The following PPFIA3 variants were observed in gnomAD, a reference collection of about 807,000 sequenced individuals.
PPFIA3 encodes liprin-alpha-3.
Under a neutral mutation model 145.8 loss-of-function variants are expected in PPFIA3, and 26 were observed. That is an observed-to-expected ratio of 0.18 (90% CI 0.13 to 0.25). The LOEUF (loss-of-function observed/expected upper bound fraction) is 0.25. Among genes scored for constraint, PPFIA3 ranks in the 10% least tolerant of loss-of-function variants. The pLI is 1.00. For synonymous variants in PPFIA3, 645 were observed against 661.4 expected (o/e 0.98, Z 0.38); for missense variants, 1,008 against 1,587.8 (o/e 0.63, Z 6.21).
Position 49,149,774 on chromosome 19 carries a change from A to G in PPFIA3, c.3526+56A>G. ...CTCGCTTCCCTAGGGTGGGGCATGG[A>G]CCACCTCAGTAGTCCGGGTTCTGGA... On this transcript the variant is annotated intron_variant, in intron 28 of 29. Coordinates refer to ENST00000334186, the MANE Select transcript of PPFIA3 (RefSeq NM_003660.4). This position sits in a 1 kb window ranked among gnomAD's most constrained non-coding sequence, Gnocchi z 5.7. 2 of 1,544,652 alleles carry G rather than the reference A, an allele frequency of 1.3e-6. No individual in the cohort carries two copies. Among genetic ancestry groups the G allele is most frequent in the Non-Finnish European group, 1.7e-6 (2 of 1,146,286 alleles).
rs528422016 is a variant in PPFIA3, at chr19:49,149,848, G to A, written c.3526+130G>A. On this transcript the variant is annotated intron_variant, in intron 28 of 29. Coordinates refer to ENST00000334186, the MANE Select transcript of PPFIA3 (RefSeq NM_003660.4). The surrounding 1 kb of genome is among the most constrained non-coding windows in gnomAD (Gnocchi z 5.7). Reference sequence around the variant, plus strand: ...CCCCTGAGGAATGGACTGCTCCAACGTTCCGGACTCCCCCGTCAGGATGAA... The same window carrying A: ...CCCCTGAGGAATGGACTGCTCCAACATTCCGGACTCCCCCGTCAGGATGAA... 2 of 1,243,526 alleles carry A rather than the reference G, an allele frequency of 1.6e-6. No individual in the cohort carries two copies. Among genetic ancestry groups the A allele is most frequent in the Middle Eastern group, 2.6e-4 (1 of 3,886 alleles). The allele number at this position is 1,243,526 out of a possible 1,614,324, so 77.0% of individuals were successfully genotyped here.
chr19:49,128,515 GTGT>G lies in PPFIA3; in HGVS notation c.342+50_342+52del, dbSNP rs746976413. 3 of 1,521,048 alleles carry G rather than the reference GTGT, an allele frequency of 2.0e-6. No individual in the cohort carries two copies. In the South Asian group the frequency reaches 3.4e-5, roughly 17 times the overall value. The allele number at this position is 1,521,048 out of a possible 1,614,324, so 94.2% of individuals were successfully genotyped here. A position where few individuals can be genotyped will look rare whatever the true frequency, so the allele number is the denominator to read the frequency against. The stretch of plus-strand genomic sequence containing the variant: ...GCCTAAGTGGGGGCGGGGCCTCGTG[GTGT>G]TGAAGTGGGGGGCGGGGCCTCTCAG... On this transcript the variant is annotated intron_variant, in intron 3 of 29. Coordinates refer to ENST00000334186, the MANE Select transcript of PPFIA3 (RefSeq NM_003660.4). This position sits in a 1 kb window ranked among gnomAD's most constrained non-coding sequence, Gnocchi z 4.1.
chr19:49,136,951 G>A, intron 15 of PPFIA3, 40 bp downstream of exon 15: 23 of 1,452,292 alleles, frequency 1.6e-5, no homozygotes, highest in Non-Finnish European at 2.0e-5. Flanking sequence ...TGCCCTGCCG[G>A]AGCTGACTCC....
chr19:49,126,560 CT>C (rs762895281), intron 1 of PPFIA3, among the ~76,000 whole-genome samples: 27,695 of 118,682 alleles, frequency 0.23, 2,197 homozygotes, highest in Non-Finnish European at 0.32. Context: ...CCTGGCCTTG[CT>C]TTTTTTTTTT....
At chr19:49,121,953 G>C (rs2040941327) in intron 1 of PPFIA3, among the ~76,000 whole-genome samples, 1 of 151,664 alleles carries the variant, frequency 6.6e-6, no homozygotes, top group African/African-American at 2.4e-5. Flanking sequence ...ATTTCTTGTC[G>C]CACATGTGCT....
In PPFIA3 at chr19:49,127,961, C is replaced by G; in HGVS notation, c.88C>G (p.Arg30Gly). ...GPDEAGGELE[R>G]LMVTMLTERE... ...GGACGAGGCGGGCGGGGAGCTGGAG[C>G]GCCTCATGGTCACGATGCTCACGGA... The change falls in exon 2 of 30, where the codon CGC (arginine) becomes GGC (glycine). Residue 30 changes from arginine to glycine, a missense_variant. By Grantham distance (125) the Arg-to-Gly change is moderately radical. This residue lies in a region of PPFIA3 where 108 missense variants were observed against 144.3 expected (regional missense o/e 0.75). Transcript: ENST00000334186. 1 of 1,595,152 alleles carries G rather than the reference C, an allele frequency of 6.3e-7. No individual in the cohort carries two copies. Among genetic ancestry groups the G allele is most frequent in the South Asian group, 1.1e-5 (1 of 90,870 alleles).
Position 49,138,437 on chromosome 19 carries a change from C to T in PPFIA3, c.2076+10C>T, listed in dbSNP as rs746553369. Reference sequence around the variant, plus strand: ...GGGCACCGACAAGGCTGTGAGTGCTCTGAAGTCTCCCCAGCCTAGTAGGGG... The same window carrying T: ...GGGCACCGACAAGGCTGTGAGTGCTTTGAAGTCTCCCCAGCCTAGTAGGGG... On this transcript the variant is annotated intron_variant, in intron 16 of 29. Coordinates refer to ENST00000334186, the MANE Select transcript of PPFIA3 (RefSeq NM_003660.4). 4.2e-5 allele frequency: 64 copies of T among 1,510,988 alleles called. 3 individuals are homozygous for T. The Middle Eastern group carries it at 7.3e-4, about 17-fold the overall frequency. 93.6% of individuals were successfully genotyped at this position (1,510,988 alleles called of 1,614,324 possible).
chr19:49,133,446 G>A lies in PPFIA3; in HGVS notation c.1161+75G>A. 2 of 1,463,022 alleles carry A rather than the reference G, an allele frequency of 1.4e-6. No individual in the cohort carries two copies. The highest frequency in any genetic ancestry group is 1.8e-6 in the Non-Finnish European group (2 of 1,107,516). 90.6% of individuals were successfully genotyped at this position (1,463,022 alleles called of 1,614,324 possible). A position where few individuals can be genotyped will look rare whatever the true frequency, so the allele number is the denominator to read the frequency against. Reference sequence around the variant, plus strand: ...TAGAGGAGGCGGGGCCGTGAATCTGGAGGGGTAGGAGCGAGGTCAGAACCC... The same window carrying A: ...TAGAGGAGGCGGGGCCGTGAATCTGAAGGGGTAGGAGCGAGGTCAGAACCC... On this transcript the variant is annotated intron_variant, in intron 9 of 29. Transcript: ENST00000334186. This position sits in a 1 kb window ranked among gnomAD's most constrained non-coding sequence, Gnocchi z 7.2.
At chr19:49,145,636 C>G (rs1023827178) in intron 21 of PPFIA3, 4 of 421,104 alleles carry the variant, frequency 9.5e-6, no homozygotes, top group African/African-American at 2.0e-5. Flanking sequence ...GTCTGTCCCC[C>G]ACTTCTGAAT....
intron 18 of PPFIA3, among the ~76,000 whole-genome samples, chr19:49,140,512 C>T (rs769156181): frequency 2.7e-4 from 41 of 151,370 alleles, no homozygotes; most frequent in Non-Finnish European, 1.0e-4. Context: ...CTATGCCTGG[C>T]TAATTTTTTT....
rs1259834911 is a variant in PPFIA3, at chr19:49,141,498, G to T, written c.2447G>T (p.Arg816Leu). The T allele has an allele frequency of 1.2e-6, 2 of 1,613,802 alleles. No individual in the cohort carries two copies. The highest frequency in any genetic ancestry group is 1.7e-6 in the Non-Finnish European group (2 of 1,179,766). ...AKLTGPGDKD[R>L]RNKRKHELLE... ...CTGACAGGCCCAGGAGACAAGGACC[G>T]AAGGAACAAGAGGAAGTGAGTGTGT... The change falls in exon 19 of 30, where the codon CGA becomes CTA. Residue 816 changes from arginine to leucine, a missense_variant. Arg to Leu is a moderately radical substitution (Grantham distance 102, BLOSUM62 -2). Coordinates refer to ENST00000334186, the MANE Select transcript of PPFIA3 (RefSeq NM_003660.4).
chr19:49,135,414 C>T lies in PPFIA3; in HGVS notation c.1521-365C>T, dbSNP rs530934197. 3.3e-5 allele frequency among the ~76,000 whole-genome samples: 5 copies of T among 152,200 alleles called. No individual in the cohort carries two copies. The South Asian group carries it at 1.0e-3, about 32-fold the overall frequency. ...TTGAGACAGAGTCTCACTCTGCTGC[C>T]TGGGCTAGAGTGCAGTGGCATGATC... On this transcript the variant is annotated intron_variant, in intron 13 of 29. Coordinates refer to ENST00000334186, the MANE Select transcript of PPFIA3 (RefSeq NM_003660.4).
In PPFIA3 at chr19:49,130,522, G is replaced by A. The variant is rs758744713; in HGVS notation, c.802G>A (p.Glu268Lys). Reference sequence around the variant, plus strand: ...GTGCCGTCAGATGAGCCAGCTGGAGGAGGAGTTGGGCACCGCGCACCGTGA... The same window carrying A: ...GTGCCGTCAGATGAGCCAGCTGGAGAAGGAGTTGGGCACCGCGCACCGTGA... Reference protein sequence around the residue: ...VLCRQMSQLEEELGTAHRELG... With the variant: ...VLCRQMSQLEKELGTAHRELG... Residue 268 changes from glutamate to lysine, a missense_variant, in exon 7 of 30, where the codon GAG (glutamate) becomes AAG (lysine). Coordinates refer to ENST00000334186, the MANE Select transcript of PPFIA3 (RefSeq NM_003660.4). The surrounding 1 kb of genome is among the most constrained non-coding windows in gnomAD (Gnocchi z 4.5). The A allele has an allele frequency of 3.1e-5, 49 of 1,590,388 alleles. No homozygotes were observed. The highest frequency in any genetic ancestry group is 6.0e-6 in the Non-Finnish European group (7 of 1,169,498).
rs375874426 is a variant in PPFIA3 at position 49,128,677 on chromosome 19, G to A, written c.343-171G>A. On this transcript the variant is annotated intron_variant, in intron 3 of 29. Coordinates refer to ENST00000334186, the MANE Select transcript of PPFIA3 (RefSeq NM_003660.4). The surrounding 1 kb of genome is among the most constrained non-coding windows in gnomAD (Gnocchi z 4.1). ...TGTCTCCATAACTTTTCTCTTTTCT[G>A]TACCACCGGTTCCTTGACCCCGACC... The A allele has an allele frequency of 1.3e-6, 1 of 775,188 alleles. No homozygotes were observed. Among genetic ancestry groups the A allele is most frequent in the East Asian group, 2.7e-5 (1 of 37,466 alleles). The allele number at this position is 775,188 out of a possible 1,614,324, so 48.0% of individuals were successfully genotyped here. A position where few individuals can be genotyped will look rare whatever the true frequency, so the allele number is the denominator to read the frequency against.
At chr19:49,143,041 T>A in intron 21 of PPFIA3, 37 bp downstream of exon 21, 1 of 1,587,418 alleles carries the variant, frequency 6.3e-7, no homozygotes, top group Non-Finnish European at 8.6e-7. Flanking sequence ...CTTCGCTTCC[T>A]CAGAGCCCCG....
rs749381321 is a variant in PPFIA3 at position 49,141,480 on chromosome 19, G to A, written c.2429G>A (p.Gly810Asp). The change falls in exon 19 of 30, where the codon GGC becomes GAC. Residue 810 changes from glycine (G) to aspartate (D), a missense_variant. Physicochemically the swap from Gly to Asp is moderately conservative, Grantham distance 94. Coordinates refer to ENST00000334186, the MANE Select transcript of PPFIA3 (RefSeq NM_003660.4). Reference protein sequence around the residue: ...TDPLGLAKLTGPGDKDRRNKR... With the variant: ...TDPLGLAKLTDPGDKDRRNKR... ...CCTCTGGGGCTAGCCAAGCTGACAG[G>A]CCCAGGAGACAAGGACCGAAGGAAC... is the stretch of plus-strand genomic sequence containing the variant. 6.2e-7 allele frequency: 1 copy of A among 1,614,066 alleles called. No homozygotes were observed. Among genetic ancestry groups the A allele is most frequent in the East Asian group, 2.2e-5 (1 of 44,866 alleles).
Position 49,133,810 on chromosome 19 carries a change from T to C in PPFIA3, c.1176T>C (p.His392=), listed in dbSNP as rs752470184. 1 of 1,612,824 alleles carries C rather than the reference T, an allele frequency of 6.2e-7. No individual in the cohort carries two copies. ...VAALNKAEER[H]GNFEERLRQL... ...CCATCTCCTAGGCCGAGGAACGTCA[T>C]GGGAATTTTGAGGAGCGGCTTCGGC... The change falls in exon 10 of 30, where the codon CAT becomes CAC. Residue 392 remains histidine (H), a synonymous_variant. Transcript: ENST00000334186. The surrounding 1 kb of genome is among the most constrained non-coding windows in gnomAD (Gnocchi z 7.2).
chr19:49,150,268 G>A lies in PPFIA3; in HGVS notation c.*46G>A, dbSNP rs1211168869. The A allele has an allele frequency of 9.9e-7, 1 of 1,014,618 alleles. No homozygotes were observed. The highest frequency in any genetic ancestry group is 2.7e-5 in the East Asian group (1 of 37,680). The allele number at this position is 1,014,618 out of a possible 1,614,324, so 62.9% of individuals were successfully genotyped here. On this transcript the variant is annotated 3_prime_UTR_variant, in exon 30 of 30. Coordinates refer to ENST00000334186, the MANE Select transcript of PPFIA3 (RefSeq NM_003660.4). ...CACTCGGACGGAAGAATCTTCCCGA[G>A]GCTGGGCTGTTCCCTCTCCTGCCCG...
chr19:49,133,470 C>T lies in PPFIA3; in HGVS notation c.1161+99C>T. 1 of 1,384,552 alleles carries T rather than the reference C, an allele frequency of 7.2e-7. No homozygotes were observed. The allele number at this position is 1,384,552 out of a possible 1,614,324, so 85.8% of individuals were successfully genotyped here. On this transcript the variant is annotated intron_variant, in intron 9 of 29. Coordinates refer to ENST00000334186, the MANE Select transcript of PPFIA3 (RefSeq NM_003660.4). This position sits in a 1 kb window ranked among gnomAD's most constrained non-coding sequence, Gnocchi z 7.2. ...GGAGGGGTAGGAGCGAGGTCAGAAC[C>T]CCGGATTTGGGGGAAAGGGTGGGGC...
Sources: gnomAD v4.1 joint callset for allele counts (sites outside exome capture counted in the v4.1 genomes callset) on GRCh38, gnomAD v4.1.1 for gene constraint, gnomAD v4.1.1 regional missense constraint, Gnocchi (gnomAD v3.1) non-coding constraint, MANE v1.5 for transcripts, NCBI Gene and HGNC (gene_info 2026-07-23, HGNC 2026-07-21) for gene names.